Variants in MINDY2 observed in about 807,000 individuals in gnomAD.
The protein encoded by MINDY2 is MINDY lysine 48 deubiquitinase 2.
In MINDY2, 52 loss-of-function variants were observed where a neutral mutation model predicts 68.2. That is an observed-to-expected ratio of 0.76 (90% CI 0.61 to 0.96). The LOEUF (loss-of-function observed/expected upper bound fraction) is 0.96. Ranked by LOEUF, MINDY2 falls within the 40% of genes least tolerant of loss-of-function variation. The pLI is 0.00. For missense variants in MINDY2, 881 were observed against 773.4 expected, an observed-to-expected ratio of 1.14 and a Z score of -1.65; for synonymous variants, 372 against 303.0, an observed-to-expected ratio of 1.23 and a Z score of -2.36.
chr15:58,779,866 A>G (rs7162921), intron 1 of MINDY2, among the ~76,000 whole-genome samples: 6,342 of 152,226 alleles, frequency 0.042, 278 homozygotes, highest in African/African-American at 0.1. Flanking sequence ...TGGTATGAGT[A>G]GTCTTTTAGT....
At chr15:58,822,912 A>G (rs1345475875) in intron 5 of MINDY2, among the ~76,000 whole-genome samples, 1 of 152,200 alleles carries the variant, frequency 6.6e-6, no homozygotes, top group East Asian at 1.9e-4. Context: ...TACATAAGAT[A>G]TAATAAAAGT....
intron 4 of MINDY2, 125 bp downstream of exon 4, chr15:58,810,513 A>T: frequency 1.1e-6 from 1 of 900,570 alleles, no homozygotes; most frequent in South Asian, 1.9e-5. Context: ...AATTAGCCAA[A>T]CTATGAGGTT....
intron 2 of MINDY2, among the ~76,000 whole-genome samples, chr15:58,790,407 A>T (rs913296309): frequency 2.6e-5 from 4 of 152,162 alleles, no homozygotes; most frequent in African/African-American, 9.7e-5. Context: ...GAGTTGTAGG[A>T]GATGAGATCA....
At chr15:58,838,719 TG>T (rs1487195995) in intron 6 of MINDY2, among the ~76,000 whole-genome samples, 2 of 151,074 alleles carry the variant, frequency 1.3e-5, no homozygotes, top group African/African-American at 2.4e-5. Flanking sequence ...CCCAAGTAGT[TG>T]GGATTACAGG....
intron 1 of MINDY2, among the ~76,000 whole-genome samples, chr15:58,782,001 T>C (rs1035105680): frequency 5.3e-5 from 8 of 152,132 alleles, no homozygotes; most frequent in Non-Finnish European, 2.9e-5. Flanking sequence ...ATAGTATTAC[T>C]AGTAGTAAAT....
intron 3 of MINDY2, among the ~76,000 whole-genome samples, chr15:58,804,088 C>T (rs1000733309): frequency 1.3e-5 from 2 of 151,214 alleles, no homozygotes; most frequent in Admixed American, 6.6e-5. Context: ...GAGATCGCGC[C>T]ACTGCACTCC....
In MINDY2 at chr15:58,833,017, G is replaced by GC. The variant is rs1355485527; in HGVS notation, c.1368+1103dup. 5.3e-5 allele frequency among the ~76,000 whole-genome samples: 8 copies of GC among 152,150 alleles called. No homozygotes were observed. In the East Asian group the frequency reaches 1.5e-3, roughly 29 times the overall value. ...TGTGGCTTTAAATTCTTCCTGTAGT[G>GC]CCATTTATGGCTCTGTCAAAAACAT... On this transcript the variant is annotated intron_variant, in intron 6 of 8. Coordinates refer to ENST00000559228, the MANE Select transcript of MINDY2 (RefSeq NM_001040450.3).
chr15:58,813,135 C>T (rs762863290), intron 4 of MINDY2, among the ~76,000 whole-genome samples: 1 of 152,168 alleles, frequency 6.6e-6, no homozygotes, highest in Admixed American at 6.6e-5. Context: ...GTAGTTTGCT[C>T]CTGTTCATTA....
At chr15:58,833,212 G>C (rs1026140367) in intron 6 of MINDY2, among the ~76,000 whole-genome samples, 1 of 152,256 alleles carries the variant, frequency 6.6e-6, no homozygotes, top group Non-Finnish European at 1.5e-5. Context: ...TTCATGCGTG[G>C]GGATAAAAAT....
At chr15:58,813,456 A>G (rs1678977) in intron 4 of MINDY2, among the ~76,000 whole-genome samples, 39,580 of 152,128 alleles carry the variant, frequency 0.26, 5,649 homozygotes, top group East Asian at 0.61. Context: ...AGATCGTGCC[A>G]CTTCTCTCCA....
chr15:58,852,922 G>GTTTTTTTTTTTT (rs746154698), intron 8 of MINDY2, among the ~76,000 whole-genome samples: 1 of 48,968 alleles, frequency 2.0e-5, no homozygotes, highest in Non-Finnish European at 4.0e-5. Context: ...TGCTGTTCCT[G>GTTTTTTTTTTTT]TTTTTTTTTT....
intron 2 of MINDY2, among the ~76,000 whole-genome samples, chr15:58,797,424 C>T (rs1014492375): frequency 6.6e-6 from 1 of 152,184 alleles, no homozygotes; most frequent in African/African-American, 2.4e-5. Context: ...AGCAGGATCA[C>T]TTGAGCCTGG....
At chr15:58,838,036 C>T (rs1323796362) in intron 6 of MINDY2, among the ~76,000 whole-genome samples, 2 of 151,258 alleles carry the variant, frequency 1.3e-5, no homozygotes, top group Non-Finnish European at 2.9e-5. Flanking sequence ...TCTTTCTACT[C>T]CTGTGAACTC....
At chr15:58,840,919 C>T (rs1452017116) in intron 6 of MINDY2, among the ~76,000 whole-genome samples, 5 of 148,976 alleles carry the variant, frequency 3.4e-5, no homozygotes, top group East Asian at 3.9e-4. Flanking sequence ...CTGCCTGACT[C>T]GGCCTCCCAA....
intron 2 of MINDY2, chr15:58,796,274 TA>T (rs1277903464): frequency 1.6e-5 from 6 of 372,684 alleles, no homozygotes; most frequent in African/African-American, 1.3e-4. Context: ...GTTTGAGGGT[TA>T]GTTGGAAACT....
At chr15:58,782,911 GTTTTTTTTTTTT>G (rs1157376592) in intron 1 of MINDY2, among the ~76,000 whole-genome samples, 3 of 64,472 alleles carry the variant, frequency 4.7e-5, no homozygotes, top group African/African-American at 5.9e-5. Context: ...TTTTCTCTCT[GTTTTTTTTTTTT>G]TTTTTTTTTT....
intron 4 of MINDY2, among the ~76,000 whole-genome samples, chr15:58,821,165 C>T (rs1595749518): frequency 6.6e-6 from 1 of 151,658 alleles, no homozygotes; most frequent in Admixed American, 6.6e-5. Flanking sequence ...CCCCCATTAA[C>T]ATATATTAAC....
At chr15:58,794,962 C>T (rs1438807090) in intron 2 of MINDY2, among the ~76,000 whole-genome samples, 1 of 151,692 alleles carries the variant, frequency 6.6e-6, no homozygotes, top group Non-Finnish European at 1.5e-5. Flanking sequence ...CCGAGGTGGG[C>T]TGATCACGAG....
rs547868392 is a variant in MINDY2 at position 58,783,109 on chromosome 15, C to T, written c.841-4797C>T. Among the ~76,000 whole-genome samples the T allele has an allele frequency of 1.5e-3, 222 of 151,620 alleles. 1 individual carries two copies. Among genetic ancestry groups the T allele is most frequent in the African/African-American group, 4.9e-3 (204 of 41,386 alleles). On this transcript the variant is annotated intron_variant, in intron 1 of 8. Transcript: ENST00000559228. ...TAATTGTTTGTATTTTTAGTAGAGA[C>T]GGGATTTCACCATGTTAGCCAGGCT... is the stretch of plus-strand genomic sequence containing the variant.
Sources: allele counts gnomAD v4.1 joint callset (sites outside exome capture counted in the v4.1 genomes callset), GRCh38; gene constraint gnomAD v4.1.1; transcripts MANE v1.5; gene names NCBI Gene and HGNC (gene_info 2026-07-23, HGNC 2026-07-21).